Variants in ROBO2 observed in about 807,000 individuals in gnomAD.
ROBO2 encodes the protein roundabout homolog 2.
A neutral mutation model predicts 160.8 loss-of-function variants in ROBO2; 53 were observed. The ratio of observed to expected loss-of-function variants is 0.33; its 90% CI spans 0.26 to 0.41. The LOEUF (loss-of-function observed/expected upper bound fraction) is 0.41, where lower values mean the gene tolerates loss of function less well. ROBO2 is among the 10% of genes least tolerant of loss of function. The pLI is 1.00. For missense variants in ROBO2, 1,577 were observed against 1,722.4 expected (o/e 0.92, Z 1.49); for synonymous variants, 664 against 611.7 (o/e 1.09, Z -1.26).
chr3:76,568,553 G>A (rs1384009638), intron 2 of ROBO2, among the ~76,000 whole-genome samples: 1 of 151,232 alleles, frequency 6.6e-6, no homozygotes, highest in African/African-American at 2.4e-5. Context: ...TGATCCACCC[G>A]CCTCGGCCTC....
intron 2 of ROBO2, among the ~76,000 whole-genome samples, chr3:76,127,024 G>A (rs2071015853): frequency 1.3e-5 from 2 of 152,226 alleles, no homozygotes; most frequent in South Asian, 4.1e-4. Flanking sequence ...TAAGATATAG[G>A]AGACTTTGTT....
At chr3:76,855,439 T>C (rs1174106530) in intron 2 of ROBO2, among the ~76,000 whole-genome samples, 1 of 152,202 alleles carries the variant, frequency 6.6e-6, no homozygotes, top group Non-Finnish European at 1.5e-5. Context: ...TAATGGATAC[T>C]GAGTTCAAAT....
chr3:76,196,650 A>G (rs1472881995), intron 2 of ROBO2, among the ~76,000 whole-genome samples: 1 of 152,186 alleles, frequency 6.6e-6, no homozygotes. Flanking sequence ...TGCATGAAAA[A>G]AAGTAAATTC....
chr3:76,774,537 T>G (rs2062113428), intron 2 of ROBO2, among the ~76,000 whole-genome samples: 1 of 150,866 alleles, frequency 6.6e-6, no homozygotes, highest in African/African-American at 2.4e-5. Context: ...GAAAGCATGA[T>G]TTGTATTAAT....
chr3:76,394,173 T>A (rs1298130107), intron 2 of ROBO2, among the ~76,000 whole-genome samples: 1 of 152,156 alleles, frequency 6.6e-6, no homozygotes, highest in Non-Finnish European at 1.5e-5. Context: ...GTCATTATGA[T>A]ATTAGCTGGT....
At chr3:76,435,080 A>T in intron 2 of ROBO2, 1 of 1,064,048 alleles carries the variant, frequency 9.4e-7, no homozygotes, top group Non-Finnish European at 1.5e-6. Context: ...TCAACATGAC[A>T]TTGCAAATCA....
At chr3:76,557,604 C>CTTT (rs58555009) in intron 2 of ROBO2, among the ~76,000 whole-genome samples, 1 of 130,368 alleles carries the variant, frequency 7.7e-6, no homozygotes, top group South Asian at 2.4e-4. Context: ...TAAAGGGTGC[C>CTTT]TTTTTTTTTT....
At chr3:76,452,302 T>C (rs1349117023) in intron 2 of ROBO2, among the ~76,000 whole-genome samples, 3 of 152,114 alleles carry the variant, frequency 2.0e-5, no homozygotes, top group Non-Finnish European at 4.4e-5. Flanking sequence ...GCATTAGGTG[T>C]ATCTCCTAAT....
At chr3:76,661,538 C>T (rs1043059612) in intron 2 of ROBO2, among the ~76,000 whole-genome samples, 12 of 152,052 alleles carry the variant, frequency 7.9e-5, no homozygotes, top group African/African-American at 1.4e-4. Context: ...AATCAATAGA[C>T]GTAAGGTGTA....
chr3:77,414,995 A>T (rs1439900661), intron 2 of ROBO2, among the ~76,000 whole-genome samples: 4 of 152,196 alleles, frequency 2.6e-5, no homozygotes, highest in Non-Finnish European at 4.4e-5. Context: ...GAAGCTGCCC[A>T]TCTGGTGGAA....
chr3:77,524,974 C>A (rs1050060847), intron 6 of ROBO2, among the ~76,000 whole-genome samples: 1 of 150,986 alleles, frequency 6.6e-6, no homozygotes, highest in Non-Finnish European at 1.5e-5. Context: ...TGTTTAAAAA[C>A]ATTTATTTTT....
chr3:76,712,173 A>G (rs972793894), intron 2 of ROBO2, among the ~76,000 whole-genome samples: 2 of 152,230 alleles, frequency 1.3e-5, no homozygotes, highest in Admixed American at 6.5e-5. Flanking sequence ...TTAGGTTTAT[A>G]TATTAGTTCT....
At chr3:77,415,297 A>G (rs922675937) in intron 2 of ROBO2, among the ~76,000 whole-genome samples, 1 of 152,234 alleles carries the variant, frequency 6.6e-6, no homozygotes, top group African/African-American at 2.4e-5. Flanking sequence ...GATTAGGGTC[A>G]TATTGAATGA....
chr3:76,263,237 C>CT (rs201224792), intron 2 of ROBO2, among the ~76,000 whole-genome samples: 3 of 151,764 alleles, frequency 2.0e-5, no homozygotes, highest in African/African-American at 7.2e-5. Context: ...TACAATAGTC[C>CT]TTTTTTTTGG....
At chr3:77,528,182 CTA>C (rs1393817911) in intron 6 of ROBO2, among the ~76,000 whole-genome samples, 4 of 151,496 alleles carry the variant, frequency 2.6e-5, no homozygotes, top group African/African-American at 9.7e-5. Flanking sequence ...TCACCAATAA[CTA>C]TGTTTAAATA....
At chr3:76,576,216 A>G (rs2085280937) in intron 2 of ROBO2, among the ~76,000 whole-genome samples, 1 of 152,136 alleles carries the variant, frequency 6.6e-6, no homozygotes, top group Non-Finnish European at 1.5e-5. Flanking sequence ...TTTCTTAGCA[A>G]ACACAAATAT....
rs1318082985 is a variant in ROBO2, at chr3:76,962,638, C to CAAAAAA, written c.110-135375_110-135374insAAAAAA. On this transcript the variant is annotated intron_variant, in intron 2 of 26. Transcript: ENST00000487694. The stretch of plus-strand genomic sequence containing the variant: ...GGGCAACAAGAGTGAAACTCGATCT[C>CAAAAAA]AGAAAAAAAAAAAAAAAAAAAAGCT... 9.9e-5 allele frequency among the ~76,000 whole-genome samples: 5 copies of CAAAAAA among 50,254 alleles called. 1 individual carries two copies. The highest frequency in any genetic ancestry group is 1.3e-4 in the Non-Finnish European group (4 of 30,286). 33.0% of individuals were successfully genotyped at this position (50,254 alleles called of 152,430 possible). A position where few individuals can be genotyped will look rare whatever the true frequency, so the allele number is the denominator to read the frequency against.
intron 2 of ROBO2, among the ~76,000 whole-genome samples, chr3:76,539,992 C>T (rs1179745800): frequency 6.6e-6 from 1 of 152,148 alleles, no homozygotes; most frequent in Non-Finnish European, 1.5e-5. Context: ...TGCATTTTAG[C>T]CAAGATAGTT....
intron 2 of ROBO2, among the ~76,000 whole-genome samples, chr3:76,900,840 G>T (rs1356309412): frequency 1.3e-5 from 2 of 152,200 alleles, no homozygotes; most frequent in Non-Finnish European, 2.9e-5. Context: ...ATGAAGAAAA[G>T]ATGGTGTTGA....
Sources: allele counts gnomAD v4.1 joint callset (sites outside exome capture counted in the v4.1 genomes callset), GRCh38; gene constraint gnomAD v4.1.1; transcripts MANE v1.5; gene names NCBI Gene and HGNC (gene_info 2026-07-23, HGNC 2026-07-21).